Variants in FLNB observed in about 807,000 individuals in gnomAD.
The protein encoded by FLNB is filamin B.
Under a neutral mutation model 250.6 loss-of-function variants are expected in FLNB, and 111 were observed. The observed-to-expected ratio is 0.44, with a 90% CI of 0.38 to 0.52. FLNB has a LOEUF of 0.52. Among genes scored for constraint, FLNB ranks in the 20% least tolerant of loss-of-function variants. The pLI, the probability that FLNB is intolerant of heterozygous loss-of-function variation, is 0.00. For synonymous variants in FLNB, 1,302 were observed against 1,372.1 expected (o/e 0.95, Z 1.13); for missense variants, 2,869 against 3,447.8 (o/e 0.83, Z 4.20).
At chr3:58,009,799 C>G (rs547678951) in intron 1 of FLNB, among the ~76,000 whole-genome samples, 1 of 152,110 alleles carries the variant, frequency 6.6e-6, no homozygotes, top group Non-Finnish European at 1.5e-5. Context: ...CCAGGGTCTT[C>G]CTGAAAGGAG....
intron 45 of FLNB, among the ~76,000 whole-genome samples, chr3:58,170,069 C>T (rs1450056043): frequency 2.0e-5 from 3 of 152,174 alleles, no homozygotes; most frequent in African/African-American, 4.8e-5. Flanking sequence ...AACCTAGTAC[C>T]GCCACTTCAT....
chr3:58,058,365 G>C (rs2097173454), intron 1 of FLNB, among the ~76,000 whole-genome samples: 1 of 152,104 alleles, frequency 6.6e-6, no homozygotes, highest in Admixed American at 6.5e-5. Flanking sequence ...TCTTTCTACT[G>C]ATGTAAGCAG....
chr3:58,092,158 C>A (rs1240753145), intron 4 of FLNB, among the ~76,000 whole-genome samples: 1 of 152,168 alleles, frequency 6.6e-6, no homozygotes, highest in East Asian at 1.9e-4. Flanking sequence ...TGTTCAGTAT[C>A]ATTAACCATG....
Position 58,102,233 on chromosome 3 carries a change from G to C in FLNB, c.1376G>C (p.Gly459Ala). The C allele has an allele frequency of 6.2e-7, 1 of 1,614,238 alleles. No individual in the cohort carries two copies. Among genetic ancestry groups the C allele is most frequent in the South Asian group, 1.1e-5 (1 of 91,090 alleles). ...ACNPNACRAS[G>A]RGLQPKGVRI... ...AATCCAAATGCCTGCCGGGCCAGTG[G>C]CCGAGGCCTACAACCCAAAGGCGTC... The change falls in exon 9 of 46, where the codon GGC (glycine) becomes GCC (alanine). Residue 459 changes from glycine (G) to alanine (A), a missense_variant. Gly to Ala is a moderately conservative substitution (Grantham distance 60, BLOSUM62 0). Coordinates refer to ENST00000295956, the MANE Select transcript of FLNB (RefSeq NM_001457.4).
Position 58,125,746 on chromosome 3 carries a change from A to G in FLNB, c.4061+3A>G, listed in dbSNP as rs760443808. The G allele has an allele frequency of 1.2e-6, 2 of 1,614,104 alleles. No homozygotes were observed. Among genetic ancestry groups the G allele is most frequent in the Admixed American group, 3.3e-5 (2 of 60,030 alleles). The stretch of plus-strand genomic sequence containing the variant: ...AATGTCTTCACCGTGGTTACCAGGT[A>G]GGCAAGGCCCTACATTTGGTGTCTT... On this transcript the variant is annotated splice_donor_region_variant and intron_variant, in intron 23 of 45. Coordinates refer to ENST00000295956, the MANE Select transcript of FLNB (RefSeq NM_001457.4).
At chr3:58,022,079 C>A (rs1488731015) in intron 1 of FLNB, among the ~76,000 whole-genome samples, 1 of 152,186 alleles carries the variant, frequency 6.6e-6, no homozygotes, top group African/African-American at 2.4e-5. Flanking sequence ...GGCCACACTG[C>A]CCTCTTACTG....
intron 8 of FLNB, 45 bp from the exon 9 acceptor site, chr3:58,102,158 A>G: frequency 6.2e-7 from 1 of 1,612,950 alleles, no homozygotes; most frequent in Non-Finnish European, 8.5e-7. Flanking sequence ...CACGACTCTG[A>G]CTAAAGAATG....
At chr3:58,056,322 C>T (rs1034985781) in intron 1 of FLNB, among the ~76,000 whole-genome samples, 2 of 151,572 alleles carry the variant, frequency 1.3e-5, no homozygotes, top group Non-Finnish European at 2.9e-5. Flanking sequence ...AGGCTAGTCT[C>T]GAACTCCTGA....
intron 29 of FLNB, among the ~76,000 whole-genome samples, chr3:58,141,568 A>T (rs1239080188): frequency 6.6e-6 from 1 of 152,220 alleles, no homozygotes; most frequent in Non-Finnish European, 1.5e-5. Flanking sequence ...ACGACCACAG[A>T]CAGCACCAGT....
intron 25 of FLNB, chr3:58,132,179 G>A: frequency 1.6e-6 from 1 of 621,436 alleles, no homozygotes. Context: ...CTGTCACGTT[G>A]GAAGCTGGGA....
chr3:58,118,735 A>T, intron 18 of FLNB, 137 bp from the exon 19 acceptor site: 1 of 758,688 alleles, frequency 1.3e-6, no homozygotes, highest in African/African-American at 1.7e-5. Flanking sequence ...GAAGAAATAG[A>T]TCTAAGATAC....
At chr3:58,148,895 C>A in intron 36 of FLNB, 43 bp downstream of exon 36, 1 of 1,563,506 alleles carries the variant, frequency 6.4e-7, no homozygotes. Context: ...TTGTGGGAAC[C>A]GACTTATTTT....
chr3:58,068,001 G>C (rs1451563047), intron 1 of FLNB, among the ~76,000 whole-genome samples: 2 of 152,232 alleles, frequency 1.3e-5, no homozygotes, highest in Admixed American at 6.5e-5. Flanking sequence ...TCACCTTGCT[G>C]TGCCTCTCCT....
chr3:58,059,213 T>C (rs2097174625), intron 1 of FLNB, among the ~76,000 whole-genome samples: 1 of 152,242 alleles, frequency 6.6e-6, no homozygotes, highest in Non-Finnish European at 1.5e-5. Flanking sequence ...ATGATACTCA[T>C]GTTACACATT....
chr3:58,082,957 G>A (rs1040660098), intron 4 of FLNB, among the ~76,000 whole-genome samples: 14 of 152,160 alleles, frequency 9.2e-5, no homozygotes, highest in Non-Finnish European at 1.5e-5. Context: ...TTGAAAATAA[G>A]TTGCAAGCAT....
At chr3:58,064,713 A>G (rs562459645) in intron 1 of FLNB, among the ~76,000 whole-genome samples, 1 of 152,114 alleles carries the variant, frequency 6.6e-6, no homozygotes, top group African/African-American at 2.4e-5. Flanking sequence ...GTCCATTATC[A>G]TTAGAATCCC....
At chr3:58,087,166 A>G (rs1374404226) in intron 4 of FLNB, among the ~76,000 whole-genome samples, 1 of 152,214 alleles carries the variant, frequency 6.6e-6, no homozygotes. Context: ...AAGGTGCTGT[A>G]AGAAATTCAT....
intron 1 of FLNB, among the ~76,000 whole-genome samples, chr3:58,010,025 A>T (rs865845844): frequency 6.7e-6 from 1 of 150,252 alleles, no homozygotes; most frequent in South Asian, 2.1e-4. Context: ...TGTGTATAGC[A>T]TGTGCATATG....
rs201369608 is a variant in FLNB at position 58,121,403 on chromosome 3, G to A, written c.3026G>A (p.Arg1009Gln). 2.0e-4 allele frequency: 328 copies of A among 1,614,126 alleles called. No homozygotes were observed. The highest frequency in any genetic ancestry group is 2.6e-4 in the Non-Finnish European group (303 of 1,180,024). The change falls in exon 20 of 46, where the codon CGG becomes CAG. Residue 1009 changes from arginine (R) to glutamine (Q), a missense_variant. Coordinates refer to ENST00000295956, the MANE Select transcript of FLNB (RefSeq NM_001457.4). The part of the protein sequence containing the change: ...RENSTAKFIP[R>Q]EEGLYAVDVT... ...AACAGCACGGCCAAGTTCATCCCTC[G>A]GGAGGAGGGGCTGTATGCTGTAGAC... is the stretch of plus-strand genomic sequence containing the variant.
Sources: gnomAD v4.1 joint callset for allele counts (sites outside exome capture counted in the v4.1 genomes callset) on GRCh38, gnomAD v4.1.1 for gene constraint, MANE v1.5 for transcripts, NCBI Gene and HGNC (gene_info 2026-07-23, HGNC 2026-07-21) for gene names.